Variants in PCDH15 observed in about 807,000 individuals in gnomAD.
PCDH15 encodes protocadherin-15.
Under a neutral mutation model 178.5 loss-of-function variants are expected in PCDH15, and 129 were observed. That is an observed-to-expected ratio of 0.72 (90% confidence interval 0.63 to 0.84). The LOEUF (loss-of-function observed/expected upper bound fraction) is 0.84. Ranked by LOEUF, PCDH15 falls within the 40% of genes least tolerant of loss-of-function variation. PCDH15 has a pLI of 0.00. For synonymous variants in PCDH15, 800 were observed against 732.0 expected, an observed-to-expected ratio of 1.09 and a Z score of -1.50; for missense variants, 2,230 against 2,099.9, an observed-to-expected ratio of 1.06 and a Z score of -1.21.
At position 55,480,111 on chromosome 10, in the gene PCDH15, C is replaced by T. The variant is rs372737949; in HGVS notation, c.-156+147514G>A. The stretch of plus-strand genomic sequence containing the variant: ...GGGTAGTATGTCATTGTAATGTTAT[C>T]GATTTTCCTGCCTATGATCATGGAA... On this transcript the variant is annotated intron_variant, in intron 2 of 5. Transcript: ENST00000613346. Among the ~76,000 whole-genome samples the T allele has an allele frequency of 9.9e-5, 15 of 151,462 alleles. No homozygotes were observed. The South Asian group carries it at 1.0e-3, about 10-fold the overall frequency.
intron 32 of PCDH15, among the ~76,000 whole-genome samples, chr10:53,823,958 AG>A (rs1328434515): frequency 6.6e-6 from 1 of 152,148 alleles, no homozygotes; most frequent in Non-Finnish European, 1.5e-5. Flanking sequence ...ATTGTGACAG[AG>A]GAGTTTTTCT....
intron 2 of PCDH15, among the ~76,000 whole-genome samples, chr10:55,410,956 CT>C (rs986745387): frequency 1.3e-5 from 2 of 151,750 alleles, no homozygotes; most frequent in African/African-American, 4.8e-5. Context: ...TTGAATGTGC[CT>C]TTACTGAAAA....
chr10:55,069,351 T>A (rs576255491), intron 2 of PCDH15, among the ~76,000 whole-genome samples: 1 of 149,476 alleles, frequency 6.7e-6, no homozygotes, highest in Non-Finnish European at 1.5e-5. Flanking sequence ...TATGTATACA[T>A]GTGCCATGCT....
chr10:54,195,949 T>TC (rs2049583632), intron 10 of PCDH15, 60 bp from the exon 11 acceptor site: 1 of 1,478,448 alleles, frequency 6.8e-7, no homozygotes, highest in Non-Finnish European at 9.4e-7. Flanking sequence ...CTTTTTGGAG[T>TC]TTCACTTTTC....
intron 13 of PCDH15, among the ~76,000 whole-genome samples, chr10:54,173,478 T>C (rs2133660206): frequency 6.6e-6 from 1 of 152,326 alleles, no homozygotes; most frequent in African/African-American, 2.4e-5. Context: ...AGTTTGGAAG[T>C]ACTACGTTAT....
intron 3 of PCDH15, among the ~76,000 whole-genome samples, chr10:54,515,971 G>A (rs2082170786): frequency 6.6e-6 from 1 of 152,104 alleles, no homozygotes; most frequent in Non-Finnish European, 1.5e-5. Flanking sequence ...AAACAGAAAG[G>A]ACATCCACAC....
chr10:55,290,501 T>A (rs1842981755), intron 1 of PCDH15, among the ~76,000 whole-genome samples: 1 of 152,100 alleles, frequency 6.6e-6, no homozygotes, highest in African/African-American at 2.4e-5. Context: ...AAAATTTGCT[T>A]TTATTGGGTA....
intron 15 of PCDH15, among the ~76,000 whole-genome samples, chr10:54,115,155 A>G (rs2095091835): frequency 6.6e-6 from 1 of 152,096 alleles, no homozygotes; most frequent in Non-Finnish European, 1.5e-5. Context: ...TCATGTAAAT[A>G]TCTTTGGACC....
At chr10:55,201,729 A>G (rs1444486139) in intron 1 of PCDH15, among the ~76,000 whole-genome samples, 5 of 152,218 alleles carry the variant, frequency 3.3e-5, no homozygotes, top group Non-Finnish European at 7.3e-5. Flanking sequence ...TTATTCACAA[A>G]GTCAAATGCA....
intron 5 of PCDH15, among the ~76,000 whole-genome samples, chr10:54,364,309 A>G (rs1394215891): frequency 6.6e-6 from 1 of 151,656 alleles, no homozygotes; most frequent in East Asian, 1.9e-4. Flanking sequence ...GTAGTTCTAT[A>G]TATAATAATG....
chr10:54,323,403 C>T (rs1168325890), intron 7 of PCDH15, among the ~76,000 whole-genome samples: 1 of 152,120 alleles, frequency 6.6e-6, no homozygotes, highest in Non-Finnish European at 1.5e-5. Context: ...ACCAAAAAGA[C>T]ACATGCATGT....
At chr10:53,824,046 T>C (rs2076504392) in intron 32 of PCDH15, among the ~76,000 whole-genome samples, 1 of 152,122 alleles carries the variant, frequency 6.6e-6, no homozygotes, top group Non-Finnish European at 1.5e-5. Context: ...TTTAAAACCT[T>C]ATAAATAGTA....
Position 53,831,410 on chromosome 10 carries a change from A to C in PCDH15, c.4107T>G (p.Ser1369Arg). 6.2e-7 allele frequency: 1 copy of C among 1,614,004 alleles called. No homozygotes were observed. The highest frequency in any genetic ancestry group is 8.5e-7 in the Non-Finnish European group (1 of 1,179,988). The change falls in exon 30 of 38, where the codon AGT becomes AGG. Residue 1369 changes from serine (S) to arginine (R), a missense_variant. By Grantham distance (110) the Ser-to-Arg change is moderately radical (BLOSUM62 -1). Coordinates refer to ENST00000644397, the MANE Select transcript of PCDH15 (RefSeq NM_001384140.1). ...ACAAGGCCCCTTCTGTGTATCCTAG[A>C]CTTTCTCCTCTCTTTTTAATGCTGG... ...AVTSIKKRGE[S>R]LGYTEGALLA...
chr10:54,576,726 T>C (rs1187661696), intron 2 of PCDH15, among the ~76,000 whole-genome samples: 1 of 152,162 alleles, frequency 6.6e-6, no homozygotes, highest in East Asian at 1.9e-4. Flanking sequence ...GTTAACACAG[T>C]ATGGTCCACG....
chr10:55,447,900 A>C (rs1319485874), intron 2 of PCDH15, among the ~76,000 whole-genome samples: 1 of 151,930 alleles, frequency 6.6e-6, no homozygotes. Context: ...TCACAGCTGA[A>C]AGTCTGCAAA....
At chr10:54,118,684 T>A (rs1414564354) in intron 15 of PCDH15, among the ~76,000 whole-genome samples, 1 of 150,820 alleles carries the variant, frequency 6.6e-6, no homozygotes, top group Non-Finnish European at 1.5e-5. Flanking sequence ...AAATAAATAT[T>A]AAAAAAAATA....
chr10:54,612,476 A>G (rs2092994971), intron 2 of PCDH15, among the ~76,000 whole-genome samples: 3 of 151,906 alleles, frequency 2.0e-5, no homozygotes, highest in Middle Eastern at 3.4e-3. Flanking sequence ...ATTTTTAATT[A>G]TGTAGATAAA....
At chr10:53,830,240 T>C (rs2076939279) in intron 30 of PCDH15, among the ~76,000 whole-genome samples, 1 of 151,604 alleles carries the variant, frequency 6.6e-6, no homozygotes, top group South Asian at 2.1e-4. Context: ...AGGCAGAGGT[T>C]GCAGTGAGCT....
intron 15 of PCDH15, among the ~76,000 whole-genome samples, chr10:54,093,819 T>C (rs1312929755): frequency 6.6e-6 from 1 of 152,198 alleles, no homozygotes; most frequent in Non-Finnish European, 1.5e-5. Flanking sequence ...AATTGAAAGA[T>C]GCATCTTTTT....
Sources: gnomAD v4.1 joint callset for allele counts (sites outside exome capture counted in the v4.1 genomes callset) on GRCh38, gnomAD v4.1.1 for gene constraint, MANE v1.5 for transcripts, NCBI Gene and HGNC (gene_info 2026-07-23, HGNC 2026-07-21) for gene names.